The following GRM7 variants were observed in gnomAD, a reference collection of about 807,000 sequenced individuals.
GRM7 encodes glutamate metabotropic receptor 7, also known as metabotropic glutamate receptor 7.
Under a neutral mutation model 84.5 loss-of-function variants are expected in GRM7, and 35 were observed. The ratio of observed to expected loss-of-function variants is 0.41; its 90% CI spans 0.32 to 0.55. GRM7 has a LOEUF of 0.55. Ranked by LOEUF, GRM7 falls within the 20% of genes least tolerant of loss-of-function variation. The pLI, the probability that GRM7 is intolerant of heterozygous loss-of-function variation, is 0.19. For synonymous variants in GRM7, 487 were observed against 455.1 expected, an observed-to-expected ratio of 1.07 and a Z score of -0.89; for missense variants, 1,003 against 1,194.6, an observed-to-expected ratio of 0.84 and a Z score of 2.36.
intron 5 of GRM7, 33 bp from the exon 6 acceptor site, chr3:7,452,574 G>T (rs750951751): frequency 1.5e-5 from 20 of 1,293,294 alleles, no homozygotes; most frequent in Non-Finnish European, 4.5e-6. Flanking sequence ...GTGTGTGTGT[G>T]TGTGTGTGTG....
intron 9 of GRM7, among the ~76,000 whole-genome samples, chr3:7,724,534 C>A (rs142643123): frequency 6.6e-6 from 1 of 152,222 alleles, no homozygotes; most frequent in East Asian, 1.9e-4. Context: ...CTAGGAGGAT[C>A]AGAGGCTGTT....
At chr3:7,472,789 A>G (rs1360847499) in intron 7 of GRM7, among the ~76,000 whole-genome samples, 6 of 152,218 alleles carry the variant, frequency 3.9e-5, no homozygotes, top group Non-Finnish European at 7.3e-5. Flanking sequence ...TTCCATTTAA[A>G]GTGGAATAAT....
At chr3:7,491,396 GA>G (rs1366149885) in intron 7 of GRM7, among the ~76,000 whole-genome samples, 3 of 138,628 alleles carry the variant, frequency 2.2e-5, no homozygotes, top group Non-Finnish European at 1.5e-5. Context: ...AAATATTAAG[GA>G]AAATGATTTA....
Position 7,486,699 on chromosome 3 carries a change from G to A in GRM7, c.1515+24977G>A, listed in dbSNP as rs1247616765. ...TGCTTCTTGGACTTCCCAGCCACCA[G>A]AATGATGAGACAAATAAGGCTGTTT... On this transcript the variant is annotated intron_variant, in intron 7 of 9. Transcript: ENST00000357716. This position sits in a 1 kb window ranked among gnomAD's most constrained non-coding sequence, Gnocchi z 5.5. Among the ~76,000 whole-genome samples the A allele has an allele frequency of 6.6e-6, 1 of 152,144 alleles. No homozygotes were observed. Among genetic ancestry groups the A allele is most frequent in the African/African-American group, 2.4e-5 (1 of 41,442 alleles).
intron 7 of GRM7, among the ~76,000 whole-genome samples, chr3:7,518,852 G>C (rs373876771): frequency 2.6e-5 from 4 of 152,356 alleles, no homozygotes; most frequent in East Asian, 1.9e-4. Flanking sequence ...TCTGATTAAT[G>C]TTAAGATTTA....
At chr3:7,104,457 G>A (rs1451233667) in intron 1 of GRM7, among the ~76,000 whole-genome samples, 1 of 151,606 alleles carries the variant, frequency 6.6e-6, no homozygotes, top group Non-Finnish European at 1.5e-5. Context: ...CCATAATCTG[G>A]TTGCTTATGA....
At chr3:7,540,940 A>C (rs1434202948) in intron 7 of GRM7, among the ~76,000 whole-genome samples, 1 of 152,210 alleles carries the variant, frequency 6.6e-6, no homozygotes, top group Non-Finnish European at 1.5e-5. Flanking sequence ...ATTCATTAGA[A>C]GAAAAAGCAA....
intron 8 of GRM7, among the ~76,000 whole-genome samples, chr3:7,613,597 T>C (rs1261624678): frequency 6.6e-6 from 1 of 152,148 alleles, no homozygotes; most frequent in Non-Finnish European, 1.5e-5. Context: ...TGCTGACATT[T>C]TGCTTTAACA....
chr3:7,229,610 G>A (rs1336748725), intron 2 of GRM7, among the ~76,000 whole-genome samples: 2 of 150,282 alleles, frequency 1.3e-5, no homozygotes, highest in East Asian at 2.0e-4. Context: ...CAAGAATAAC[G>A]GAAGGGTAAA....
intron 4 of GRM7, among the ~76,000 whole-genome samples, chr3:7,319,330 G>A (rs1700690605): frequency 6.6e-6 from 1 of 152,022 alleles, no homozygotes; most frequent in South Asian, 2.1e-4. Flanking sequence ...GTTCATTTAA[G>A]GGGGACAGAA....
intron 4 of GRM7, among the ~76,000 whole-genome samples, chr3:7,356,851 A>G (rs1033903730): frequency 6.8e-6 from 1 of 148,106 alleles, no homozygotes; most frequent in Non-Finnish European, 1.5e-5. Flanking sequence ...GACTTTCCCA[A>G]AACCACCCTA....
intron 1 of GRM7, among the ~76,000 whole-genome samples, chr3:6,910,167 AT>A (rs1696717615): frequency 6.6e-6 from 1 of 152,132 alleles, no homozygotes; most frequent in Non-Finnish European, 1.5e-5. Context: ...GATAGGGTAA[AT>A]GGACAATGAG....
chr3:7,069,068 TATATATC>T (rs1470108144), intron 1 of GRM7, among the ~76,000 whole-genome samples: 5 of 150,712 alleles, frequency 3.3e-5, no homozygotes, highest in Non-Finnish European at 7.4e-5. Flanking sequence ...TTTATATATA[TATATATC>T]ATATATTAAT....
intron 1 of GRM7, among the ~76,000 whole-genome samples, chr3:7,101,513 T>C (rs1438814027): frequency 6.6e-6 from 1 of 151,608 alleles, no homozygotes; most frequent in Non-Finnish European, 1.5e-5. Flanking sequence ...TAATTTTGCA[T>C]TTATTTTGTA....
chr3:7,502,513 T>C (rs1699914138), intron 7 of GRM7, among the ~76,000 whole-genome samples: 1 of 151,830 alleles, frequency 6.6e-6, no homozygotes, highest in African/African-American at 2.4e-5. Context: ...ATAGCAAAAC[T>C]GGCAAAAAAA....
At chr3:7,517,031 A>G (rs867339527) in intron 7 of GRM7, among the ~76,000 whole-genome samples, 32 of 152,068 alleles carry the variant, frequency 2.1e-4, no homozygotes, top group South Asian at 4.2e-4. Context: ...GATCTTTCAA[A>G]TACTCTTTTC....
chr3:6,940,348 C>T (rs927552889), intron 1 of GRM7, among the ~76,000 whole-genome samples: 2 of 152,162 alleles, frequency 1.3e-5, no homozygotes, highest in Admixed American at 6.5e-5. Flanking sequence ...TCTCGGCCTC[C>T]GAAAGTGCTG....
intron 8 of GRM7, among the ~76,000 whole-genome samples, chr3:7,603,801 T>C (rs554336228): frequency 1.3e-5 from 2 of 152,298 alleles, no homozygotes; most frequent in East Asian, 3.9e-4. Context: ...TGTTAATACA[T>C]GTTTAAGATT....
intron 7 of GRM7, among the ~76,000 whole-genome samples, chr3:7,507,326 A>T (rs1700068943): frequency 6.6e-6 from 1 of 152,192 alleles, no homozygotes; most frequent in Admixed American, 6.5e-5. Context: ...GGGACAAGCA[A>T]ATACCAACTA....
Sources: allele counts gnomAD v4.1 joint callset (sites outside exome capture counted in the v4.1 genomes callset), GRCh38; gene constraint gnomAD v4.1.1; non-coding constraint Gnocchi (gnomAD v3.1); transcripts MANE v1.5; gene names NCBI Gene and HGNC (gene_info 2026-07-23, HGNC 2026-07-21).